The following AVEN variants were observed in gnomAD, a reference collection of about 807,000 sequenced individuals.
AVEN encodes apoptosis and caspase activation inhibitor.
A neutral mutation model predicts 38.1 loss-of-function variants in AVEN; 41 were observed. The ratio of observed to expected loss-of-function variants is 1.08; its 90% CI spans 0.84 to 1.40. The LOEUF is 1.40. AVEN is among the 40% of genes most tolerant of loss of function. AVEN has a pLI of 0.00. For missense variants in AVEN, 605 were observed against 438.8 expected, an observed-to-expected ratio of 1.38 and a Z score of -3.38; for synonymous variants, 206 against 171.8, an observed-to-expected ratio of 1.20 and a Z score of -1.56.
chr15:33,921,878 G>GC (rs1195421964), intron 2 of AVEN, among the ~76,000 whole-genome samples: 4 of 152,040 alleles, frequency 2.6e-5, no homozygotes, highest in African/African-American at 9.7e-5. Context: ...GGAGAGATTG[G>GC]GAAAAAATGG....
downstream of AVEN, chr15:33,865,314 ATG>A: frequency 1.1e-6 from 1 of 879,494 alleles, no homozygotes; most frequent in Non-Finnish European, 1.8e-6. Flanking sequence ...CATATCTGAA[ATG>A]TGACATTTTC....
At chr15:34,052,487 T>C (rs767287671) in intron 5 of AVEN, among the ~76,000 whole-genome samples, 24 of 152,212 alleles carry the variant, frequency 1.6e-4, no homozygotes, top group Admixed American at 6.5e-4. Context: ...GTATTCAAAG[T>C]TCTGGCCAGG....
At chr15:33,875,865 G>C in intron 3 of AVEN, 60 bp downstream of exon 3, 2 of 1,431,384 alleles carry the variant, frequency 1.4e-6, no homozygotes, top group South Asian at 1.2e-5. Context: ...GAACGTAAAA[G>C]GTGTTAGCCT....
At chr15:33,857,557 C>T (rs1282757200), downstream of AVEN, among the ~76,000 whole-genome samples, 2 of 152,130 alleles carry the variant, frequency 1.3e-5, no homozygotes, top group Non-Finnish European at 2.9e-5. Flanking sequence ...AACACCCCAT[C>T]ATTACTCTTT....
intron 2 of AVEN, among the ~76,000 whole-genome samples, chr15:33,958,068 T>G (rs140710754): frequency 6.6e-6 from 1 of 152,244 alleles, no homozygotes; most frequent in Admixed American, 6.5e-5. Flanking sequence ...ACCACTATTC[T>G]ATAACTTGTT....
intron 11 of AVEN, among the ~76,000 whole-genome samples, chr15:33,859,999 C>G (rs761779091): frequency 1.1e-4 from 16 of 152,200 alleles, no homozygotes; most frequent in Admixed American, 9.2e-4. Context: ...CTCCTCACTT[C>G]TGCTTCTGAG....
chr15:33,889,995 C>T (rs1354172474), intron 2 of AVEN, among the ~76,000 whole-genome samples: 1 of 152,216 alleles, frequency 6.6e-6, no homozygotes, highest in Admixed American at 6.5e-5. Flanking sequence ...CCAAACTTCA[C>T]AGAAAACCAA....
At chr15:33,864,857 G>A (rs1211671766), downstream of AVEN, 15 of 382,500 alleles carry the variant, frequency 3.9e-5, no homozygotes, top group South Asian at 8.4e-4. Flanking sequence ...AAATCTTTAA[G>A]TATGTTTAGT....
chr15:33,911,423 A>G (rs1420938094), intron 2 of AVEN, among the ~76,000 whole-genome samples: 1 of 152,240 alleles, frequency 6.6e-6, no homozygotes, highest in Admixed American at 6.5e-5. Context: ...ATACCTTTGA[A>G]GGATAAAATA....
chr15:33,911,973 A>G (rs1345418172), intron 2 of AVEN, among the ~76,000 whole-genome samples: 1 of 152,214 alleles, frequency 6.6e-6, no homozygotes, highest in Non-Finnish European at 1.5e-5. Flanking sequence ...ATAAGCAAGG[A>G]GAGAGGGAAC....
In AVEN at chr15:34,063,620, C is replaced by T; in HGVS notation, n.1127-188G>A. On this transcript the variant is annotated intron_variant and non_coding_transcript_variant, in intron 4 of 11. Coordinates refer to the AVEN transcript ENST00000675287. This position sits in a 1 kb window ranked among gnomAD's most constrained non-coding sequence, Gnocchi z 4.1. ...ATTGGGCCAAAGCTGAGCAGCTCAC[C>T]ACCTGTAGCAGCTACCCTTCCTCAG... 1 of 1,614,066 alleles carries T rather than the reference C, an allele frequency of 6.2e-7. No individual in the cohort carries two copies. Among genetic ancestry groups the T allele is most frequent in the Non-Finnish European group, 8.5e-7 (1 of 1,180,032 alleles).
At chr15:33,889,653 A>G (rs1891851703) in intron 2 of AVEN, among the ~76,000 whole-genome samples, 1 of 152,204 alleles carries the variant, frequency 6.6e-6, no homozygotes. Flanking sequence ...TTTTATTTTT[A>G]GTTTTGAAAA....
At chr15:33,891,472 TAAG>T in intron 2 of AVEN, among the ~76,000 whole-genome samples, 1 of 152,310 alleles carries the variant, frequency 6.6e-6, no homozygotes, top group South Asian at 2.1e-4. Flanking sequence ...CACCTGTGAA[TAAG>T]AACATGTGGT....
In AVEN at chr15:33,961,251, T is replaced by A. The variant is rs114741437; in HGVS notation, c.445+41781A>T. On this transcript the variant is annotated intron_variant, in intron 2 of 5. Transcript: ENST00000306730. ...CCTGAGCTCAAGCAATTCTCCTGCC[T>A]CAGCCTCCTAAATCTCACACCTGCT... Among the ~76,000 whole-genome samples, 24 of 152,254 alleles carry A rather than the reference T, an allele frequency of 1.6e-4. 1 individual carries two copies. Among genetic ancestry groups the A allele is most frequent in the Admixed American group, 1.4e-3 (21 of 15,296 alleles).
chr15:33,857,913 C>A, downstream of AVEN: 1 of 1,613,808 alleles, frequency 6.2e-7, no homozygotes, highest in Non-Finnish European at 8.5e-7. Flanking sequence ...GACATGATGA[C>A]GGTGAGAGCC....
chr15:33,986,199 C>T (rs547166080), intron 2 of AVEN, among the ~76,000 whole-genome samples: 21 of 152,010 alleles, frequency 1.4e-4, no homozygotes, highest in Middle Eastern at 3.4e-3. Context: ...CTCTGCCTCC[C>T]GGGTTCACGC....
At chr15:33,953,062 T>C (rs934390360) in intron 2 of AVEN, among the ~76,000 whole-genome samples, 1 of 152,034 alleles carries the variant, frequency 6.6e-6, no homozygotes, top group African/African-American at 2.4e-5. Context: ...ATAAAATACC[T>C]AGGAATACAA....
chr15:33,966,969 T>G (rs1895411410), intron 2 of AVEN, among the ~76,000 whole-genome samples: 1 of 152,130 alleles, frequency 6.6e-6, no homozygotes, highest in African/African-American at 2.4e-5. Context: ...CACTGAACTC[T>G]AAGTCACATT....
chr15:34,016,470 T>A (rs963568659), intron 1 of AVEN, among the ~76,000 whole-genome samples: 9 of 152,096 alleles, frequency 5.9e-5, no homozygotes, highest in African/African-American at 1.5e-4. Context: ...TGTGGCCACA[T>A]GACTCTTTTT....
Sources: allele counts gnomAD v4.1 joint callset (sites outside exome capture counted in the v4.1 genomes callset), GRCh38; gene constraint gnomAD v4.1.1; non-coding constraint Gnocchi (gnomAD v3.1); transcripts MANE v1.5; gene names NCBI Gene and HGNC (gene_info 2026-07-23, HGNC 2026-07-21).